Variants in GPBP1 observed in about 807,000 individuals in gnomAD.
GPBP1 encodes vasculin.
GPBP1 carries 13 observed loss-of-function variants against 56.5 expected under a neutral mutation model. That is an observed-to-expected ratio of 0.23 (90% CI 0.15 to 0.37). GPBP1 has a LOEUF of 0.37. Among genes scored for constraint, GPBP1 ranks in the 10% least tolerant of loss-of-function variants. The probability of loss-of-function intolerance (pLI) is 1.00; values close to 1 mark genes in which losing one functional copy is unlikely to be tolerated. For synonymous variants in GPBP1, 204 were observed against 188.9 expected, an observed-to-expected ratio of 1.08 and a Z score of -0.66; for missense variants, 477 against 572.3, an observed-to-expected ratio of 0.83 and a Z score of 1.70.
Position 57,254,761 on chromosome 5 carries a change from G to C in GPBP1, c.1160+3620G>C, listed in dbSNP as rs1369695443. 4.0e-5 allele frequency among the ~76,000 whole-genome samples: 6 copies of C among 151,592 alleles called. No individual in the cohort carries two copies. In the East Asian group the frequency reaches 1.2e-3, roughly 29 times the overall value. On this transcript the variant is annotated intron_variant, in intron 10 of 11. Coordinates refer to ENST00000506184, the MANE Select transcript of GPBP1 (RefSeq NM_022913.4). The stretch of plus-strand genomic sequence containing the variant: ...TCCTAAAATAATTTATTGGGCTGAT[G>C]ATAATTGCATTTGAGAATTAATTTA...
intron 6 of GPBP1, among the ~76,000 whole-genome samples, chr5:57,242,848 C>G (rs1217673741): frequency 6.6e-6 from 1 of 151,806 alleles, no homozygotes; most frequent in Non-Finnish European, 1.5e-5. Flanking sequence ...CTCCCGGGTT[C>G]AAGTGATTCT....
chr5:57,184,059 C>T (rs1191199735), intron 2 of GPBP1, among the ~76,000 whole-genome samples: 1 of 152,070 alleles, frequency 6.6e-6, no homozygotes, highest in Non-Finnish European at 1.5e-5. Flanking sequence ...TGGTGAAACC[C>T]TGTCTTTACT....
chr5:57,241,865 A>G (rs962307940), intron 6 of GPBP1, among the ~76,000 whole-genome samples: 3 of 152,212 alleles, frequency 2.0e-5, no homozygotes, highest in African/African-American at 7.2e-5. Flanking sequence ...TAAACATTGG[A>G]TAATGTTTGA....
chr5:57,255,275 T>C (rs1440529679), intron 10 of GPBP1, among the ~76,000 whole-genome samples: 1 of 152,148 alleles, frequency 6.6e-6, no homozygotes, highest in African/African-American at 2.4e-5. Flanking sequence ...CCCCCTCTTA[T>C]TCCAAATAAT....
intron 3 of GPBP1, among the ~76,000 whole-genome samples, chr5:57,217,570 TCAAAA>T (rs1029814106): frequency 6.6e-6 from 1 of 151,528 alleles, no homozygotes; most frequent in African/African-American, 2.4e-5. Flanking sequence ...AAATACTGTC[TCAAAA>T]CAAACAAACA....
intron 11 of GPBP1, 92 bp downstream of exon 11, chr5:57,261,374 G>A: frequency 2.7e-6 from 2 of 728,096 alleles, no homozygotes; most frequent in Non-Finnish European, 4.8e-6. Context: ...GGGAGATTTA[G>A]GAATTTATCA....
At chr5:57,253,508 A>G (rs898935626) in intron 10 of GPBP1, among the ~76,000 whole-genome samples, 1 of 152,144 alleles carries the variant, frequency 6.6e-6, no homozygotes, top group Admixed American at 6.5e-5. Flanking sequence ...TTCAACTTCT[A>G]TTTTAATTAA....
intron 3 of GPBP1, among the ~76,000 whole-genome samples, chr5:57,225,550 TA>T (rs1213560257): frequency 1.3e-5 from 2 of 149,324 alleles, no homozygotes; most frequent in Non-Finnish European, 3.0e-5. Context: ...CTGTCCATAT[TA>T]AAAAAAACTC....
chr5:57,186,930 G>C (rs1320562309), intron 2 of GPBP1, among the ~76,000 whole-genome samples: 3 of 151,094 alleles, frequency 2.0e-5, no homozygotes, highest in African/African-American at 7.3e-5. Context: ...TGAAAAGATT[G>C]TTTCCCATTG....
rs1579959990 is a variant in GPBP1, at chr5:57,175,891, A to G, written c.-567A>G. The G allele has an allele frequency of 1.0e-5, 4 of 398,308 alleles. No homozygotes were observed. The East Asian group carries it at 1.4e-4, about 14-fold the overall frequency. 24.7% of individuals were successfully genotyped at this position (398,308 alleles called of 1,614,324 possible). ...AGGAATTTTTGACTTCAGCTCTTTC[A>G]TGTCACAATGGGACACTTTTTCTGA... On this transcript the variant is annotated 5_prime_UTR_variant, in exon 2 of 12. It removes an upstream start codon present in the reference 5' UTR. Transcript: ENST00000506184.
At chr5:57,224,234 A>G (rs1453263459) in intron 3 of GPBP1, among the ~76,000 whole-genome samples, 1 of 147,218 alleles carries the variant, frequency 6.8e-6, no homozygotes, top group Non-Finnish European at 1.5e-5. Flanking sequence ...GCAACCTGGA[A>G]CTCCTGATCC....
intron 2 of GPBP1, among the ~76,000 whole-genome samples, chr5:57,208,174 T>G (rs1242794774): frequency 6.6e-6 from 1 of 152,172 alleles, no homozygotes; most frequent in Non-Finnish European, 1.5e-5. Context: ...AGTAGGGTCT[T>G]ACTCTTTCTC....
rs1467225299 is a variant in GPBP1, at chr5:57,254,835, GT to G, written c.1160+3697del. ...TAATCAGATATCTATAAATTCACTT[GT>G]TTAGACAAAGTATAATTTATTGTAC... On this transcript the variant is annotated intron_variant, in intron 10 of 11. Transcript: ENST00000506184. 1.4e-4 allele frequency among the ~76,000 whole-genome samples: 21 copies of G among 151,946 alleles called. No homozygotes were observed. In the East Asian group the frequency reaches 3.9e-3, roughly 28 times the overall value.
At chr5:57,246,540 T>A in intron 7 of GPBP1, 56 bp downstream of exon 7, 2 of 1,394,144 alleles carry the variant, frequency 1.4e-6, no homozygotes, top group South Asian at 1.3e-5. Flanking sequence ...ATTTATGTCC[T>A]ATGGGGGGAA....
chr5:57,207,564 C>G (rs756679127), intron 2 of GPBP1, among the ~76,000 whole-genome samples: 10 of 152,202 alleles, frequency 6.6e-5, no homozygotes, highest in Non-Finnish European at 1.3e-4. Flanking sequence ...TCTAGCCATC[C>G]ATAGGCGGCT....
In GPBP1 at chr5:57,247,169, A is replaced by C; in HGVS notation, c.758A>C (p.Lys253Thr). 6.2e-7 allele frequency: 1 copy of C among 1,613,846 alleles called. No individual in the cohort carries two copies. Among genetic ancestry groups the C allele is most frequent in the Non-Finnish European group, 8.5e-7 (1 of 1,179,838 alleles). Residue 253 changes from lysine to threonine, a missense_variant, in exon 8 of 12, where the codon AAA (lysine) becomes ACA (threonine). Lys to Thr is a moderately conservative substitution (Grantham distance 78, BLOSUM62 -1). Around this residue, in one of 2 missense-constraint regions of GPBP1, gnomAD observed 414 missense variants for 458.2 expected, o/e 0.90. Coordinates refer to ENST00000506184, the MANE Select transcript of GPBP1 (RefSeq NM_022913.4). ...GGCGTTGGCAACTTTAATGCTTTTA[A>C]ATCAACTGCCAAGAACTTTAGTCCA... ...TFGVGNFNAF[K>T]STAKNFSPST...
At chr5:57,183,765 A>ATTTTTTTTTTTTTTTTTTTTT (rs34608817) in intron 2 of GPBP1, among the ~76,000 whole-genome samples, 4 of 133,282 alleles carry the variant, frequency 3.0e-5, no homozygotes, top group Non-Finnish European at 3.1e-5. Context: ...GGGGATATGA[A>ATTTTTTTTTTTTTTTTTTTTT]TTTTTTTTTT....
intron 2 of GPBP1, among the ~76,000 whole-genome samples, chr5:57,187,842 A>C (rs1187948109): frequency 6.6e-6 from 1 of 152,014 alleles, no homozygotes; most frequent in African/African-American, 2.4e-5. Flanking sequence ...GAATTGGAGG[A>C]CATAGGTAAG....
chr5:57,240,683 C>T (rs1042383350), intron 6 of GPBP1, among the ~76,000 whole-genome samples: 1 of 152,036 alleles, frequency 6.6e-6, no homozygotes, highest in African/African-American at 2.4e-5. Context: ...ATGAGAAAAG[C>T]ACTGTTGGGC....
Sources: allele counts gnomAD v4.1 joint callset (sites outside exome capture counted in the v4.1 genomes callset), GRCh38; gene constraint gnomAD v4.1.1; regional missense constraint gnomAD v4.1.1; transcripts MANE v1.5; gene names NCBI Gene and HGNC (gene_info 2026-07-23, HGNC 2026-07-21).